Variants in GRIP1 observed in about 807,000 individuals in gnomAD.
The protein encoded by GRIP1 is glutamate receptor-interacting protein 1.
A neutral mutation model predicts 129.9 loss-of-function variants in GRIP1; 45 were observed. The ratio of observed to expected loss-of-function variants is 0.35; its 90% CI spans 0.27 to 0.44. GRIP1 has a LOEUF of 0.44. Ranked by LOEUF, GRIP1 falls within the 20% of genes least tolerant of loss-of-function variation. The pLI is 1.00. For synonymous variants in GRIP1, 530 were observed against 520.8 expected, an observed-to-expected ratio of 1.02 and a Z score of -0.24; for missense variants, 1,196 against 1,396.8, an observed-to-expected ratio of 0.86 and a Z score of 2.29.
chr12:66,371,733 T>C lies in GRIP1; in HGVS notation c.2973A>G (p.Ile991Met), dbSNP rs1364194498. 2.5e-6 allele frequency: 4 copies of C among 1,613,520 alleles called. No homozygotes were observed. The highest frequency in any genetic ancestry group is 3.4e-6 in the Non-Finnish European group (4 of 1,179,536). ...SVTLRKMKQE[I>M]KEIMSPTPVE... ...CAGGAGTTGGAGACATGATCTCCTT[T>C]ATTTCTTGTTTCATTTTTCTCAGGG... is the stretch of plus-strand genomic sequence containing the variant. Residue 991 changes from isoleucine (I) to methionine (M), a missense_variant, in exon 23 of 25, where the codon ATA becomes ATG. Around this residue, in one of 5 missense-constraint regions of GRIP1, gnomAD observed 427 missense variants for 463.3 expected, o/e 0.92. Coordinates refer to ENST00000359742, the MANE Select transcript of GRIP1 (RefSeq NM_001366722.1).
chr12:66,518,387 A>G (rs929187400), intron 5 of GRIP1, among the ~76,000 whole-genome samples: 1 of 150,780 alleles, frequency 6.6e-6, no homozygotes, highest in African/African-American at 2.4e-5. Context: ...AAACCAAAGT[A>G]AAAGAAAAAT....
chr12:66,767,154 T>C (rs1237257229), intron 1 of GRIP1, among the ~76,000 whole-genome samples: 1 of 152,236 alleles, frequency 6.6e-6, no homozygotes, highest in Non-Finnish European at 1.5e-5. Context: ...AGCCATTGGA[T>C]AGCTTTTGAA....
intron 2 of GRIP1, among the ~76,000 whole-genome samples, chr12:66,593,292 G>A (rs1356345366): frequency 2.6e-5 from 4 of 152,058 alleles, no homozygotes; most frequent in South Asian, 4.1e-4. Context: ...AAGGATTTAC[G>A]GTTAGAATTG....
chr12:66,765,456 G>A (rs1457488963), intron 1 of GRIP1, among the ~76,000 whole-genome samples: 1 of 152,204 alleles, frequency 6.6e-6, no homozygotes, highest in Non-Finnish European at 1.5e-5. Context: ...CTATGCAAGT[G>A]AAACAGGAAA....
intron 1 of GRIP1, among the ~76,000 whole-genome samples, chr12:66,781,096 A>G (rs1804955455): frequency 2.6e-5 from 4 of 152,220 alleles, no homozygotes; most frequent in Admixed American, 2.6e-4. Context: ...CGGCGATACC[A>G]CAGTTTTAAT....
intron 1 of GRIP1, among the ~76,000 whole-genome samples, chr12:66,731,590 C>T (rs2036439635): frequency 6.6e-6 from 1 of 152,130 alleles, no homozygotes; most frequent in Non-Finnish European, 1.5e-5. Flanking sequence ...ACCTGAAAAT[C>T]TATCTGACTG....
At chr12:66,974,273 C>G (rs1395115042) in intron 1 of GRIP1, among the ~76,000 whole-genome samples, 1 of 152,106 alleles carries the variant, frequency 6.6e-6, no homozygotes, top group Non-Finnish European at 1.5e-5. Flanking sequence ...CATCTAAAAT[C>G]TCAACCCCCA....
chr12:66,615,451 G>T (rs2064999013), intron 1 of GRIP1, among the ~76,000 whole-genome samples: 1 of 152,038 alleles, frequency 6.6e-6, no homozygotes, highest in Non-Finnish European at 1.5e-5. Context: ...AGAGCTGGCT[G>T]CTCCTTATCG....
chr12:66,740,864 C>G (rs2036767264), intron 1 of GRIP1, among the ~76,000 whole-genome samples: 1 of 152,136 alleles, frequency 6.6e-6, no homozygotes, highest in South Asian at 2.1e-4. Flanking sequence ...CAGGAGCCAA[C>G]CAAAGTCCTC....
intron 1 of GRIP1, among the ~76,000 whole-genome samples, chr12:66,759,632 A>C (rs1275359841): frequency 6.6e-6 from 1 of 151,964 alleles, no homozygotes; most frequent in Non-Finnish European, 1.5e-5. Flanking sequence ...ACAGCACCCA[A>C]GTCACCTTTT....
chr12:66,795,272 A>T (rs1184530725), intron 1 of GRIP1, among the ~76,000 whole-genome samples: 2 of 152,186 alleles, frequency 1.3e-5, no homozygotes, highest in Non-Finnish European at 2.9e-5. Context: ...CACATTCCAT[A>T]TTGCTTACAT....
chr12:66,378,046 G>A (rs540869014), intron 20 of GRIP1, among the ~76,000 whole-genome samples: 21 of 152,022 alleles, frequency 1.4e-4, no homozygotes, highest in African/African-American at 5.1e-4. Context: ...AAATGTTTTG[G>A]TAAGGAACAA....
At chr12:66,589,194 TTCTCTCTCTCTC>T (rs10582806) in intron 2 of GRIP1, among the ~76,000 whole-genome samples, 8 of 95,606 alleles carry the variant, frequency 8.4e-5, no homozygotes, top group African/African-American at 3.2e-4. Flanking sequence ...CTCCCCCACC[TTCTCTCTCTCTC>T]TCTCTCTCTC....
intron 1 of GRIP1, among the ~76,000 whole-genome samples, chr12:67,010,345 T>G (rs901199697): frequency 1.3e-5 from 2 of 152,182 alleles, no homozygotes; most frequent in Non-Finnish European, 2.9e-5. Flanking sequence ...GGTGTTTTAC[T>G]TGCCTTCACG....
chr12:66,923,756 T>C (rs746610737), intron 1 of GRIP1, among the ~76,000 whole-genome samples: 2 of 152,208 alleles, frequency 1.3e-5, no homozygotes, highest in Non-Finnish European at 2.9e-5. Context: ...TACCCTAAGT[T>C]TCAATTCCTC....
chr12:67,018,457 T>C (rs1465905818), intron 1 of GRIP1, among the ~76,000 whole-genome samples: 1 of 152,232 alleles, frequency 6.6e-6, no homozygotes, highest in Non-Finnish European at 1.5e-5. Flanking sequence ...TGCCTTCCTC[T>C]TGAATTCCGC....
intron 1 of GRIP1, among the ~76,000 whole-genome samples, chr12:67,007,695 C>T (rs2042647768): frequency 6.6e-6 from 1 of 152,142 alleles, no homozygotes; most frequent in Non-Finnish European, 1.5e-5. Flanking sequence ...CCAATGCCAT[C>T]CCCACCAACA....
chr12:66,837,184 T>G (rs1566045407), intron 1 of GRIP1, among the ~76,000 whole-genome samples: 1 of 152,212 alleles, frequency 6.6e-6, no homozygotes, highest in Non-Finnish European at 1.5e-5. Context: ...TCACCTTTAC[T>G]GAGTACCCAC....
chr12:66,537,258 G>A (rs2061632644), intron 4 of GRIP1, among the ~76,000 whole-genome samples: 1 of 152,138 alleles, frequency 6.6e-6, no homozygotes. Flanking sequence ...CATAGAAAGT[G>A]TAAGTAACTT....
Sources: allele counts gnomAD v4.1 joint callset (sites outside exome capture counted in the v4.1 genomes callset), GRCh38; gene constraint gnomAD v4.1.1; regional missense constraint gnomAD v4.1.1; transcripts MANE v1.5; gene names NCBI Gene and HGNC (gene_info 2026-07-23, HGNC 2026-07-21).